NUDT2: variants seen among roughly 807,000 people sequenced by gnomAD.
NUDT2 encodes the protein bis(5'-nucleosyl)-tetraphosphatase [asymmetrical].
A neutral mutation model predicts 14.2 loss-of-function variants in NUDT2; 12 were observed. That is an observed-to-expected ratio of 0.84 (90% CI 0.54 to 1.37). The LOEUF (loss-of-function observed/expected upper bound fraction) is 1.37, where lower values mean the gene tolerates loss of function less well. Among genes scored for constraint, NUDT2 ranks in the 40% most tolerant of loss-of-function variants. The pLI, the probability that NUDT2 is intolerant of heterozygous loss-of-function variation, is 0.00. For synonymous variants in NUDT2, 67 were observed against 67.4 expected (o/e 0.99, Z 0.03); for missense variants, 167 against 176.7 (o/e 0.95, Z 0.31).
At position 34,343,378 on chromosome 9, in the gene NUDT2, T is replaced by A. The variant is rs750754708; in HGVS notation, c.382T>A (p.Phe128Ile). ...GGAGGAGGCCTGCCAGTTGGCTCAG[T>A]TCAAGGAGATGAAGGCAGCGCTCCA... ...GLEEACQLAQ[F>I]KEMKAALQEG... Residue 128 changes from phenylalanine (F) to isoleucine (I), a missense_variant, in exon 5 of 5, where the codon TTC becomes ATC. Phe to Ile is a conservative substitution (Grantham distance 21). Coordinates refer to ENST00000379158, the MANE Select transcript of NUDT2 (RefSeq NM_001161.5). 2.5e-6 allele frequency: 4 copies of A among 1,613,544 alleles called. No homozygotes were observed. The South Asian group carries it at 4.4e-5, about 18-fold the overall frequency.
At chr9:34,333,954 T>C (rs985877680) in intron 1 of NUDT2, among the ~76,000 whole-genome samples, 1 of 152,222 alleles carries the variant, frequency 6.6e-6, no homozygotes. Flanking sequence ...TTAGAAACAA[T>C]AGTTGTCAAA....
Position 34,341,173 on chromosome 9 carries a change from G to A in NUDT2, c.128-1951G>A, listed in dbSNP as rs548155246. 1.1e-4 allele frequency among the ~76,000 whole-genome samples: 16 copies of A among 152,338 alleles called. No individual in the cohort carries two copies. In the South Asian group the frequency reaches 3.1e-3, roughly 30 times the overall value. On this transcript the variant is annotated intron_variant, in intron 4 of 4. Coordinates refer to ENST00000379158, the MANE Select transcript of NUDT2 (RefSeq NM_001161.5). ...ATTCACACTTGTCTCCGGATCACAT[G>A]AGTCACACTGCCTTGTTCCTCTCAC...
chr9:34,341,435 A>G (rs1820186148), intron 4 of NUDT2, among the ~76,000 whole-genome samples: 1 of 152,214 alleles, frequency 6.6e-6, no homozygotes, highest in African/African-American at 2.4e-5. Context: ...GTACACCACT[A>G]TAGGAGGTGC....
intron 1 of NUDT2, among the ~76,000 whole-genome samples, chr9:34,335,527 C>T (rs187290491): frequency 3.0e-4 from 45 of 152,358 alleles, no homozygotes; most frequent in Admixed American, 1.5e-3. Context: ...GAAAGCTTCA[C>T]AGAGGAGGTG....
At chr9:34,334,005 T>G (rs1489572662) in intron 1 of NUDT2, among the ~76,000 whole-genome samples, 1 of 152,204 alleles carries the variant, frequency 6.6e-6, no homozygotes, top group Non-Finnish European at 1.5e-5. Flanking sequence ...TATAGATGCT[T>G]AATTGACAAC....
chr9:34,336,423 T>C (rs1341942723), intron 2 of NUDT2, 82 bp downstream of exon 2: 1 of 152,224 alleles, frequency 6.6e-6, no homozygotes, highest in Admixed American at 6.5e-5. Flanking sequence ...CCACTTTATA[T>C]ATGAATTTGT....
At chr9:34,332,529 C>G (rs1358929111) in intron 1 of NUDT2, among the ~76,000 whole-genome samples, 1 of 152,146 alleles carries the variant, frequency 6.6e-6, no homozygotes, top group Non-Finnish European at 1.5e-5. Flanking sequence ...AGACAAATTC[C>G]CCGAGTTAGC....
At chr9:34,336,370 A>C (rs1838088497) in intron 2 of NUDT2, 29 bp downstream of exon 2, 2 of 152,190 alleles carry the variant, frequency 1.3e-5, no homozygotes, top group Admixed American at 6.5e-5. Context: ...TAGGGAGTCC[A>C]GGAAAATAGA....
At chr9:34,334,193 C>T (rs1838026863) in intron 1 of NUDT2, among the ~76,000 whole-genome samples, 1 of 152,102 alleles carries the variant, frequency 6.6e-6, no homozygotes. Flanking sequence ...TTTGTAAATT[C>T]TTTTTTTGGT....
chr9:34,339,313 C>G (rs1272377596), intron 4 of NUDT2, 147 bp downstream of exon 4: 1 of 903,978 alleles, frequency 1.1e-6, no homozygotes, highest in Non-Finnish European at 1.6e-6. Flanking sequence ...TTTCTACATA[C>G]AAGGTCTCCA....
At chr9:34,337,301 G>A (rs145998187) in intron 2 of NUDT2, among the ~76,000 whole-genome samples, 12 of 152,218 alleles carry the variant, frequency 7.9e-5, no homozygotes, top group African/African-American at 2.2e-4. Flanking sequence ...TGCCCGGCCC[G>A]TTGTGTGTAC....
At chr9:34,332,042 C>T (rs1405169739) in intron 1 of NUDT2, among the ~76,000 whole-genome samples, 3 of 152,208 alleles carry the variant, frequency 2.0e-5, no homozygotes, top group Non-Finnish European at 4.4e-5. Flanking sequence ...TTGCAATAGA[C>T]TTGTAACTGG....
chr9:34,334,127 TA>T (rs1412394730), intron 1 of NUDT2, among the ~76,000 whole-genome samples: 3 of 152,214 alleles, frequency 2.0e-5, no homozygotes, highest in African/African-American at 7.2e-5. Context: ...GAGGGCTTTT[TA>T]CAGTTACTCT....
intron 3 of NUDT2, 25 bp from the exon 4 acceptor site, chr9:34,338,999 A>C (rs749851057): frequency 4.4e-6 from 7 of 1,587,056 alleles, no homozygotes; most frequent in Non-Finnish European, 6.0e-6. Flanking sequence ...GTAACTTCCC[A>C]ATATTCTGTA....
chr9:34,342,148 G>A (rs1820206287), intron 4 of NUDT2, among the ~76,000 whole-genome samples: 1 of 152,208 alleles, frequency 6.6e-6, no homozygotes, highest in Non-Finnish European at 1.5e-5. Context: ...CATTTTCTTA[G>A]AAGTGGTTCT....
chr9:34,339,153 G>A lies in NUDT2; in HGVS notation c.114G>A (p.Trp38Ter). 6.2e-7 allele frequency: 1 copy of A among 1,613,708 alleles called. No homozygotes were observed. Among genetic ancestry groups the A allele is most frequent in the African/African-American group, 1.3e-5 (1 of 75,038 alleles). The change falls in exon 4 of 5, where the codon TGG (tryptophan) becomes TGA (stop). Residue 38 changes from tryptophan (W) to a stop codon, truncating the protein, a stop_gained. Coordinates refer to ENST00000379158, the MANE Select transcript of NUDT2 (RefSeq NM_001161.5). LOFTEE classifies it high-confidence loss of function. Reference sequence around the variant, plus strand: ...AGGCATCAGATGGCATTCATCACTGGACTCCTCCCAAAGGTAGAGGCCAGA... The same window carrying A: ...AGGCATCAGATGGCATTCATCACTGAACTCCTCCCAAAGGTAGAGGCCAGA... ...LLQASDGIHH[W>*]TPPKGHVEPG...
At chr9:34,331,674 A>G (rs72733125) in intron 1 of NUDT2, among the ~76,000 whole-genome samples, 18,681 of 152,232 alleles carry the variant, frequency 0.12, 1,495 homozygotes, top group Non-Finnish European at 0.18. Flanking sequence ...AGGAGAAAAA[A>G]ATTGTTTTAA....
intron 1 of NUDT2, among the ~76,000 whole-genome samples, chr9:34,331,978 C>T (rs933073968): frequency 6.6e-6 from 1 of 152,224 alleles, no homozygotes; most frequent in Non-Finnish European, 1.5e-5. Context: ...CCCTTCCTTT[C>T]CTTTCTCACA....
chr9:34,330,960 C>CA (rs545737165), intron 1 of NUDT2, among the ~76,000 whole-genome samples: 148 of 137,668 alleles, frequency 1.1e-3, no homozygotes, highest in East Asian at 1.2e-3. Context: ...GACTCCGTCT[C>CA]AAAAAAAAAA....
Sources: gnomAD v4.1 joint callset for allele counts (sites outside exome capture counted in the v4.1 genomes callset) on GRCh38, gnomAD v4.1.1 for gene constraint, MANE v1.5 for transcripts, NCBI Gene and HGNC (gene_info 2026-07-23, HGNC 2026-07-21) for gene names.